Variants in LYPLAL1 observed in about 807,000 individuals in gnomAD.
LYPLAL1 encodes the protein lysophospholipase like 1.
In LYPLAL1, 23 loss-of-function variants were observed where a neutral mutation model predicts 19.7. That is an observed-to-expected ratio of 1.17 (90% confidence interval 0.84 to 1.65). The LOEUF (loss-of-function observed/expected upper bound fraction) is 1.65, where lower values mean the gene tolerates loss of function less well. Among genes scored for constraint, LYPLAL1 ranks in the 40% most tolerant of loss-of-function variants. The probability of loss-of-function intolerance (pLI) is 0.00; values close to 1 mark genes in which losing one functional copy is unlikely to be tolerated. For missense variants in LYPLAL1, 355 were observed against 279.4 expected, an observed-to-expected ratio of 1.27 and a Z score of -1.93; for synonymous variants, 119 against 96.3, an observed-to-expected ratio of 1.24 and a Z score of -1.38.
At chr1:219,349,898 G>C in the LYPLAL1 span, among the ~76,000 whole-genome samples, 1 of 152,150 alleles carries the variant, frequency 6.6e-6, no homozygotes, top group Non-Finnish European at 1.5e-5. Context: ...GGGAAAAATA[G>C]TAACATGATC....
the LYPLAL1 span, among the ~76,000 whole-genome samples, chr1:219,259,171 T>A: frequency 1.8e-4 from 28 of 152,050 alleles, no homozygotes; most frequent in Non-Finnish European, 4.4e-5. Flanking sequence ...GGTGGAAATG[T>A]AAACTAGTAC....
chr1:219,254,272 C>T, the LYPLAL1 span, among the ~76,000 whole-genome samples: 1 of 151,812 alleles, frequency 6.6e-6, no homozygotes, highest in Non-Finnish European at 1.5e-5. Context: ...CATTTATTCC[C>T]TTTGCATTCA....
chr1:219,431,925 C>T, the LYPLAL1 span, among the ~76,000 whole-genome samples: 2 of 152,176 alleles, frequency 1.3e-5, no homozygotes, highest in African/African-American at 4.8e-5. Flanking sequence ...ATGATATTAT[C>T]GATCTCAGCA....
At chr1:219,174,931 GA>G (rs557712792) in intron 1 of LYPLAL1, 1 of 985,368 alleles carries the variant, frequency 1.0e-6, no homozygotes, top group Non-Finnish European at 1.2e-6. Context: ...AATTGTAAGA[GA>G]AAAAAATGTG....
the LYPLAL1 span, among the ~76,000 whole-genome samples, chr1:219,339,503 T>C: frequency 6.6e-6 from 1 of 152,072 alleles, no homozygotes; most frequent in African/African-American, 2.4e-5. Context: ...AACTTTTGCA[T>C]ACACAATTTA....
chr1:219,335,162 C>T, the LYPLAL1 span, among the ~76,000 whole-genome samples: 1 of 151,854 alleles, frequency 6.6e-6, no homozygotes, highest in Non-Finnish European at 1.5e-5. Flanking sequence ...TAGTTTAGGT[C>T]TCATATTTTG....
At chr1:219,202,881 C>A (rs1658235075) in intron 3 of LYPLAL1, among the ~76,000 whole-genome samples, 1 of 151,516 alleles carries the variant, frequency 6.6e-6, no homozygotes, top group Non-Finnish European at 1.5e-5. Context: ...GAGATGGAGT[C>A]TCTCTATGTT....
chr1:219,305,814 A>C, the LYPLAL1 span, among the ~76,000 whole-genome samples: 1 of 152,182 alleles, frequency 6.6e-6, no homozygotes, highest in East Asian at 1.9e-4. Context: ...GGATCCATAT[A>C]TGTCCTTGGC....
At chr1:219,364,261 TGTGTATATGTA>T in the LYPLAL1 span, among the ~76,000 whole-genome samples, 1 of 152,184 alleles carries the variant, frequency 6.6e-6, no homozygotes, top group African/African-American at 2.4e-5. Flanking sequence ...TGCTCCTTAC[TGTGTATATGTA>T]CATGTGTGTA....
At chr1:219,183,863 T>C (rs1258066767) in intron 2 of LYPLAL1, among the ~76,000 whole-genome samples, 5 of 151,948 alleles carry the variant, frequency 3.3e-5, no homozygotes, top group Non-Finnish European at 1.5e-5. Context: ...AGTTTTGAGA[T>C]CTAATGAATA....
At chr1:219,320,686 C>T in the LYPLAL1 span, among the ~76,000 whole-genome samples, 49 of 151,954 alleles carry the variant, frequency 3.2e-4, no homozygotes, top group African/African-American at 1.2e-3. Context: ...TGAGAACATG[C>T]GGTGTTTGGT....
chr1:219,388,599 T>C, the LYPLAL1 span, among the ~76,000 whole-genome samples: 2 of 152,106 alleles, frequency 1.3e-5, no homozygotes. Context: ...AGCAAGATGT[T>C]TGTGTGGGTT....
the LYPLAL1 span, among the ~76,000 whole-genome samples, chr1:219,376,417 C>T: frequency 1.3e-5 from 2 of 152,014 alleles, no homozygotes; most frequent in East Asian, 1.9e-4. Context: ...TATGACATAC[C>T]TTAGCAGTGA....
the LYPLAL1 span, among the ~76,000 whole-genome samples, chr1:219,313,529 C>CTT: frequency 6.8e-6 from 1 of 146,746 alleles, no homozygotes; most frequent in African/African-American, 2.5e-5. Context: ...TTTAAAAAAA[C>CTT]TTTTTTTTTT....
chr1:219,441,706 A>G, the LYPLAL1 span, among the ~76,000 whole-genome samples: 2 of 152,304 alleles, frequency 1.3e-5, no homozygotes, highest in Non-Finnish European at 1.5e-5. Context: ...CATTGGAGTC[A>G]TCTGCTCTTA....
At chr1:219,352,301 C>T in the LYPLAL1 span, among the ~76,000 whole-genome samples, 3 of 152,198 alleles carry the variant, frequency 2.0e-5, no homozygotes, top group Non-Finnish European at 2.9e-5. Flanking sequence ...GAGGCCGAGG[C>T]GAGAGGATCA....
chr1:219,346,460 ATTT>A, the LYPLAL1 span, among the ~76,000 whole-genome samples: 3,749 of 136,304 alleles, frequency 0.028, 134 homozygotes, highest in African/African-American at 0.088. Flanking sequence ...GTCAATTTCT[ATTT>A]TTTTTTTTTT....
chr1:219,276,600 G>A, the LYPLAL1 span, among the ~76,000 whole-genome samples: 1 of 152,108 alleles, frequency 6.6e-6, no homozygotes, highest in African/African-American at 2.4e-5. Flanking sequence ...CCTGGGGGTG[G>A]GCCATGTGTA....
At chr1:219,179,973 A>AT (rs911354251) in intron 2 of LYPLAL1, among the ~76,000 whole-genome samples, 45 of 151,188 alleles carry the variant, frequency 3.0e-4, no homozygotes, top group African/African-American at 1.0e-3. Flanking sequence ...TCTGTTCTTG[A>AT]TTTTTTTTTG....
Sources: gnomAD v4.1 joint callset for allele counts (sites outside exome capture counted in the v4.1 genomes callset) on GRCh38, gnomAD v4.1.1 for gene constraint, MANE v1.5 for transcripts, NCBI Gene and HGNC (gene_info 2026-07-23, HGNC 2026-07-21) for gene names.